The following JMJD1C variants were observed in gnomAD, a reference collection of about 807,000 sequenced individuals.
The protein encoded by JMJD1C is jumonji domain containing 1C, also known as jumonji domain-containing protein 1C.
Under a neutral mutation model 245.3 loss-of-function variants are expected in JMJD1C, and 31 were observed. That is an observed-to-expected ratio of 0.13 (90% CI 0.09 to 0.17). The LOEUF (loss-of-function observed/expected upper bound fraction) is 0.17. JMJD1C is among the 10% of genes least tolerant of loss of function. The pLI is 1.00. For missense variants in JMJD1C, 2,691 were observed against 3,000.2 expected, an observed-to-expected ratio of 0.90 and a Z score of 2.41; for synonymous variants, 1,057 against 1,017.4, an observed-to-expected ratio of 1.04 and a Z score of -0.74.
At chr10:63,290,724 C>T (rs568441084) in intron 2 of JMJD1C, among the ~76,000 whole-genome samples, 1 of 152,058 alleles carries the variant, frequency 6.6e-6, no homozygotes, top group African/African-American at 2.4e-5. Context: ...TTAAAATACA[C>T]ACTGTAGCAA....
rs1952044234 is a variant in JMJD1C at position 63,451,158 on chromosome 10, GTGTT to G, written c.168+14333_168+14336del. On this transcript the variant is annotated intron_variant, in intron 1 of 25. Transcript: ENST00000399262. The stretch of plus-strand genomic sequence containing the variant: ...CACACAAATAAATGGAAAGACATCT[GTGTT>G]TGTGGATCAGAAAATCCGATATTAA... Among the ~76,000 whole-genome samples the G allele has an allele frequency of 2.0e-5, 3 of 152,188 alleles. No homozygotes were observed. The South Asian group carries it at 6.2e-4, about 32-fold the overall frequency.
chr10:63,381,975 G>A (rs1313650167), intron 1 of JMJD1C, among the ~76,000 whole-genome samples: 1 of 152,182 alleles, frequency 6.6e-6, no homozygotes, highest in Non-Finnish European at 1.5e-5. Flanking sequence ...ACTTTGGGAA[G>A]CTAAGGCGGG....
At position 63,216,931 on chromosome 10, in the gene JMJD1C, T is replaced by A. The variant is rs2133245979; in HGVS notation, c.678+276A>T. On this transcript the variant is annotated intron_variant, in intron 5 of 25. Coordinates refer to ENST00000399262, the MANE Select transcript of JMJD1C (RefSeq NM_032776.3). ...CTCTGAGAAAGAAAATTTTAGCTCATCTAAGGATTTAAAAAAGACTAATCA... is the reference window on the plus strand; with the variant it reads ...CTCTGAGAAAGAAAATTTTAGCTCAACTAAGGATTTAAAAAAGACTAATCA... 2.6e-5 allele frequency among the ~76,000 whole-genome samples: 4 copies of A among 152,284 alleles called. 1 individual carries two copies. In the South Asian group the frequency reaches 8.3e-4, roughly 32 times the overall value.
At chr10:63,424,497 C>CT (rs59823871) in intron 1 of JMJD1C, among the ~76,000 whole-genome samples, 34,955 of 103,234 alleles carry the variant, frequency 0.34, 7,093 homozygotes, top group East Asian at 0.52. Context: ...ATTATTATTT[C>CT]TTTTTTTTTT....
chr10:63,349,264 C>G (rs113771232), intron 2 of JMJD1C, among the ~76,000 whole-genome samples: 3,663 of 152,184 alleles, frequency 0.024, 105 homozygotes, highest in African/African-American at 0.066. Flanking sequence ...AAAAAAACTT[C>G]TTTTCTTTAT....
chr10:63,411,204 G>C (rs1325014174), intron 1 of JMJD1C, among the ~76,000 whole-genome samples: 1 of 152,148 alleles, frequency 6.6e-6, no homozygotes, highest in Non-Finnish European at 1.5e-5. Flanking sequence ...GTGGAACAGA[G>C]GGGCGGTATA....
intron 2 of JMJD1C, among the ~76,000 whole-genome samples, chr10:63,353,843 T>C (rs1249432514): frequency 1.3e-5 from 2 of 149,758 alleles, no homozygotes; most frequent in Non-Finnish European, 3.0e-5. Context: ...TGAGGCTTTT[T>C]TTGTCTGTTT....
intron 2 of JMJD1C, among the ~76,000 whole-genome samples, chr10:63,284,818 C>T (rs1857780742): frequency 6.7e-6 from 1 of 148,518 alleles, no homozygotes; most frequent in South Asian, 2.2e-4. Context: ...AAGGCCAGAA[C>T]CAATCGTGCA....
intron 2 of JMJD1C, among the ~76,000 whole-genome samples, chr10:63,370,647 TTAAA>T (rs1162414577): frequency 2.6e-5 from 4 of 152,248 alleles, no homozygotes; most frequent in Non-Finnish European, 1.5e-5. Flanking sequence ...AAAACAAGCC[TTAAA>T]TAATCTTCAT....
chr10:63,373,750 C>T (rs1946498963), intron 2 of JMJD1C, among the ~76,000 whole-genome samples: 1 of 152,146 alleles, frequency 6.6e-6, no homozygotes, highest in African/African-American at 2.4e-5. Context: ...TTTCTCAAAT[C>T]TGTAGATATA....
At chr10:63,188,184 A>T (rs1844351971) in intron 18 of JMJD1C, among the ~76,000 whole-genome samples, 1 of 152,160 alleles carries the variant, frequency 6.6e-6, no homozygotes, top group South Asian at 2.1e-4. Context: ...CACTTCACAT[A>T]ATTATGAAAA....
chr10:63,490,908 A>G (rs1468964883), intron 1 of JMJD1C, among the ~76,000 whole-genome samples: 2 of 152,248 alleles, frequency 1.3e-5, no homozygotes, highest in Non-Finnish European at 2.9e-5. Context: ...TGACAAAAAT[A>G]ACAGTTAACA....
intron 2 of JMJD1C, among the ~76,000 whole-genome samples, chr10:63,295,518 T>C (rs1328887460): frequency 2.6e-5 from 4 of 152,150 alleles, no homozygotes; most frequent in Non-Finnish European, 4.4e-5. Flanking sequence ...TGATTCTATA[T>C]AGGCTCACCA....
chr10:63,252,064 T>C (rs1203171981), intron 3 of JMJD1C, among the ~76,000 whole-genome samples: 1 of 152,158 alleles, frequency 6.6e-6, no homozygotes, highest in African/African-American at 2.4e-5. Context: ...AATCTATACC[T>C]ATCCCAATGG....
intron 1 of JMJD1C, among the ~76,000 whole-genome samples, chr10:63,478,281 T>C (rs1327357459): frequency 1.3e-5 from 2 of 152,212 alleles, no homozygotes; most frequent in Non-Finnish European, 2.9e-5. Flanking sequence ...TTTAGGTATT[T>C]ACCCAAGTGA....
intron 3 of JMJD1C, among the ~76,000 whole-genome samples, chr10:63,228,500 G>A (rs1849573524): frequency 1.3e-5 from 2 of 152,102 alleles, no homozygotes; most frequent in Non-Finnish European, 2.9e-5. Flanking sequence ...CACCCTGGGT[G>A]ACAGAGGGAG....
At chr10:63,176,259 G>A (rs1842851721) in intron 24 of JMJD1C, 38 bp downstream of exon 24, 37 of 1,467,162 alleles carry the variant, frequency 2.5e-5, no homozygotes, top group Non-Finnish European at 3.4e-5. Context: ...AGTTCTTTCA[G>A]TCAGTAAAAA....
chr10:63,389,516 ATTAGAT>A (rs1275045774), intron 1 of JMJD1C, among the ~76,000 whole-genome samples: 1 of 150,796 alleles, frequency 6.6e-6, no homozygotes, highest in Non-Finnish European at 1.5e-5. Flanking sequence ...GCAAAGAAAC[ATTAGAT>A]TTAAACTGCA....
chr10:63,254,657 C>T (rs1003636472), intron 3 of JMJD1C, among the ~76,000 whole-genome samples: 2 of 148,646 alleles, frequency 1.3e-5, no homozygotes, highest in Admixed American at 6.7e-5. Context: ...CCTCCCATCC[C>T]CGCCTCCCAA....
Sources: gnomAD v4.1 joint callset for allele counts (sites outside exome capture counted in the v4.1 genomes callset) on GRCh38, gnomAD v4.1.1 for gene constraint, MANE v1.5 for transcripts, NCBI Gene and HGNC (gene_info 2026-07-23, HGNC 2026-07-21) for gene names.